Variants in RAF1 observed in about 807,000 individuals in gnomAD.
RAF1 encodes Raf-1 proto-oncogene, serine/threonine kinase.
RAF1 carries 27 observed loss-of-function variants against 81.1 expected under a neutral mutation model. That is an observed-to-expected ratio of 0.33 (90% confidence interval 0.25 to 0.46). RAF1 has a LOEUF of 0.46. Among genes scored for constraint, RAF1 ranks in the 20% least tolerant of loss-of-function variants. The pLI, the probability that RAF1 is intolerant of heterozygous loss-of-function variation, is 1.00. For synonymous variants in RAF1, 298 were observed against 294.0 expected, an observed-to-expected ratio of 1.01 and a Z score of -0.14; for missense variants, 598 against 826.0, an observed-to-expected ratio of 0.72 and a Z score of 3.38.
intron 1 of RAF1, among the ~76,000 whole-genome samples, chr3:12,657,917 ATTCCC>A: frequency 6.6e-6 from 1 of 151,846 alleles, no homozygotes; most frequent in South Asian, 2.1e-4. Context: ...GTCACTGACC[ATTCCC>A]TACATCCCTC....
At chr3:12,639,203 G>T (rs533063973) in intron 1 of RAF1, among the ~76,000 whole-genome samples, 2 of 152,072 alleles carry the variant, frequency 1.3e-5, no homozygotes, top group African/African-American at 4.8e-5. Context: ...AATAAACCAG[G>T]TATTGATGGG....
intron 1 of RAF1, among the ~76,000 whole-genome samples, chr3:12,639,458 T>C (rs1054583399): frequency 6.6e-6 from 1 of 152,170 alleles, no homozygotes; most frequent in African/African-American, 2.4e-5. Context: ...GACATGATTG[T>C]ATATTTAGAA....
chr3:12,598,852 C>G lies in RAF1; in HGVS notation c.1168+839G>C, dbSNP rs183257294. Among the ~76,000 whole-genome samples, 7 of 151,044 alleles carry G rather than the reference C, an allele frequency of 4.6e-5. No individual in the cohort carries two copies. The South Asian group carries it at 6.3e-4, about 14-fold the overall frequency. On this transcript the variant is annotated intron_variant, in intron 11 of 17. Transcript: ENST00000442415. ...CTTTTAACTTCTCTCAATCTTTGCA[C>G]ATTTATCTCTAAAGATAATTCCAGT...
At chr3:12,636,717 G>A (rs2060042951) in intron 1 of RAF1, among the ~76,000 whole-genome samples, 1 of 151,954 alleles carries the variant, frequency 6.6e-6, no homozygotes, top group Admixed American at 6.6e-5. Context: ...TGAGAGGGGA[G>A]AATCACTTGA....
chr3:12,587,962 C>CTT (rs33981119), intron 13 of RAF1: 754 of 62,708 alleles, frequency 0.012, 24 homozygotes, highest in East Asian at 0.022. Flanking sequence ...ACCATGCCGC[C>CTT]TTTTTTTTTT....
chr3:12,597,961 G>T (rs1213593045), intron 11 of RAF1, among the ~76,000 whole-genome samples: 2 of 148,042 alleles, frequency 1.4e-5, no homozygotes, highest in African/African-American at 5.0e-5. Context: ...CATTTCTCTG[G>T]GACCCAGGAG....
intron 11 of RAF1, among the ~76,000 whole-genome samples, chr3:12,598,802 A>G (rs2058771357): frequency 6.6e-6 from 1 of 150,402 alleles, no homozygotes; most frequent in South Asian, 2.1e-4. Context: ...AGTACCTTGA[A>G]TTTTAATACT....
At chr3:12,654,180 G>GT (rs2060616532) in intron 1 of RAF1, among the ~76,000 whole-genome samples, 2 of 150,836 alleles carry the variant, frequency 1.3e-5, no homozygotes, top group Non-Finnish European at 3.0e-5. Flanking sequence ...TAGAGATGGG[G>GT]TCTCACTATG....
rs1491570753 is a variant in RAF1 at position 12,642,719 on chromosome 3, C to CACACACACACACACACAA, written c.-27+21093_-27+21094insTTGTGTGTGTGTGTGTGT. On this transcript the variant is annotated intron_variant, in intron 1 of 17. Coordinates refer to ENST00000442415, the MANE Select transcript of RAF1 (RefSeq NM_001354689.3). ...ACACACACACACACACACACACACA[C>CACACACACACACACACAA]AAAATAGCTGCGTATGGTGGCATGG... Among the ~76,000 whole-genome samples the CACACACACACACACACAA allele has an allele frequency of 1.8e-4, 26 of 141,478 alleles. 1 individual carries two copies. The highest frequency in any genetic ancestry group is 3.1e-4 in the Non-Finnish European group (20 of 64,870). 92.8% of individuals were successfully genotyped at this position (141,478 alleles called of 152,430 possible).
At chr3:12,634,762 C>A (rs2059968477) in intron 1 of RAF1, among the ~76,000 whole-genome samples, 1 of 152,014 alleles carries the variant, frequency 6.6e-6, no homozygotes. Context: ...AAGGAAATAG[C>A]CCATATTTTC....
At chr3:12,622,905 G>A (rs1404599447) in intron 1 of RAF1, among the ~76,000 whole-genome samples, 7 of 152,168 alleles carry the variant, frequency 4.6e-5, no homozygotes, top group African/African-American at 1.7e-4. Flanking sequence ...GTTCACACCT[G>A]TAATCCCAGC....
intron 3 of RAF1, among the ~76,000 whole-genome samples, chr3:12,610,386 G>A (rs2059172587): frequency 6.6e-6 from 1 of 152,170 alleles, no homozygotes; most frequent in Non-Finnish European, 1.5e-5. Flanking sequence ...ATGAAGAGAA[G>A]GAGGACAAGC....
chr3:12,626,542 G>A lies in RAF1; in HGVS notation c.-26-7795C>T, dbSNP rs144951437. Among the ~76,000 whole-genome samples, 1,149 of 150,134 alleles carry A rather than the reference G, an allele frequency of 7.7e-3. 7 individuals carry two copies. Among genetic ancestry groups the A allele is most frequent in the African/African-American group, 0.026 (1,044 of 40,822 alleles). ...GGAGGTCGAAGCTGCAGTGTGCCACGATCACACAACTGCACTCCAGCCAAA... is the reference window on the plus strand; with the variant it reads ...GGAGGTCGAAGCTGCAGTGTGCCACAATCACACAACTGCACTCCAGCCAAA... On this transcript the variant is annotated intron_variant, in intron 1 of 17. Coordinates refer to ENST00000442415, the MANE Select transcript of RAF1 (RefSeq NM_001354689.3).
chr3:12,606,706 A>AT (rs572934031), intron 5 of RAF1, among the ~76,000 whole-genome samples: 3,928 of 148,926 alleles, frequency 0.026, 182 homozygotes, highest in African/African-American at 0.09. Context: ...TAATTTTCGT[A>AT]TTTTTTTTTT....
intron 11 of RAF1, among the ~76,000 whole-genome samples, chr3:12,593,163 T>G (rs2058573534): frequency 6.6e-6 from 1 of 150,710 alleles, no homozygotes; most frequent in Non-Finnish European, 1.5e-5. Context: ...CAATCTTGGC[T>G]CACTGCAACC....
chr3:12,609,105 A>G (rs945709731), intron 4 of RAF1, 128 bp downstream of exon 4: 18 of 1,032,350 alleles, frequency 1.7e-5, no homozygotes, highest in Non-Finnish European at 2.7e-5. Flanking sequence ...CTTACTGTAA[A>G]CAACAGCATA....
chr3:12,584,620 G>A lies in RAF1; in HGVS notation c.1901C>T (p.Pro634Leu), dbSNP rs1358060804. 1.9e-6 allele frequency: 3 copies of A among 1,613,886 alleles called. No individual in the cohort carries two copies. Among genetic ancestry groups the A allele is most frequent in the Admixed American group, 1.7e-5 (1 of 59,992 alleles). Reference sequence around the variant, plus strand: ...CTCGGAAGCGCTCCGGTTGATCTTCGGTAGAGAGTGTTGGAGCAGCTCAAT... The same window carrying A: ...CTCGGAAGCGCTCCGGTTGATCTTCAGTAGAGAGTGTTGGAGCAGCTCAAT... The change falls in exon 18 of 18, where the codon CCG becomes CTG. Residue 634 changes from proline (P) to leucine (L), a missense_variant. By Grantham distance (98) the Pro-to-Leu change is moderately conservative. Around this residue, in one of 5 missense-constraint regions of RAF1, gnomAD observed 147 missense variants for 196.1 expected, o/e 0.75. Transcript: ENST00000442415.
At chr3:12,662,338 T>TAAAAAA (rs61275660) in intron 1 of RAF1, among the ~76,000 whole-genome samples, 1 of 100,910 alleles carries the variant, frequency 9.9e-6, no homozygotes, top group Non-Finnish European at 2.0e-5. Context: ...CCTGTTCCTT[T>TAAAAAA]AAAAAAAAAA....
intron 11 of RAF1, among the ~76,000 whole-genome samples, chr3:12,594,581 C>A (rs2058627271): frequency 6.6e-6 from 1 of 152,224 alleles, no homozygotes; most frequent in Non-Finnish European, 1.5e-5. Flanking sequence ...CTTACTCTGA[C>A]CTTGCAGTCG....
Sources: allele counts gnomAD v4.1 joint callset (sites outside exome capture counted in the v4.1 genomes callset), GRCh38; gene constraint gnomAD v4.1.1; regional missense constraint gnomAD v4.1.1; transcripts MANE v1.5; gene names NCBI Gene and HGNC (gene_info 2026-07-23, HGNC 2026-07-21).